ZFHX3: variants seen among roughly 807,000 people sequenced by gnomAD.
ZFHX3 encodes zinc finger homeobox 3.
A neutral mutation model predicts 279.1 loss-of-function variants in ZFHX3; 42 were observed. That is an observed-to-expected ratio of 0.15 (90% CI 0.12 to 0.19). The LOEUF (loss-of-function observed/expected upper bound fraction) is 0.19. ZFHX3 is among the 10% of genes least tolerant of loss of function. ZFHX3 has a pLI of 1.00. For missense variants in ZFHX3, 4,981 were observed against 4,754.0 expected (o/e 1.05, Z -1.40); for synonymous variants, 2,293 against 1,957.8 (o/e 1.17, Z -4.52).
chr16:73,044,309 A>G (rs1312120363), intron 1 of ZFHX3, among the ~76,000 whole-genome samples: 1 of 152,168 alleles, frequency 6.6e-6, no homozygotes, highest in African/African-American at 2.4e-5. Flanking sequence ...TAACGCCCCC[A>G]TCCTGGTTAA....
At chr16:73,206,489 T>C (rs557590116) in intron 5 of ZFHX3, among the ~76,000 whole-genome samples, 13 of 152,296 alleles carry the variant, frequency 8.5e-5, no homozygotes, top group African/African-American at 3.1e-4. Flanking sequence ...AAGCTTAGAG[T>C]TCGCTACTGC....
At chr16:73,135,796 A>G (rs959046185) in intron 6 of ZFHX3, among the ~76,000 whole-genome samples, 1 of 152,054 alleles carries the variant, frequency 6.6e-6, no homozygotes, top group African/African-American at 2.4e-5. Context: ...TAGGCTGGGC[A>G]TGGTTTCCAC....
At chr16:73,096,161 A>ACTGCCTGC (rs538399561) in intron 7 of ZFHX3, among the ~76,000 whole-genome samples, 3 of 151,960 alleles carry the variant, frequency 2.0e-5, no homozygotes, top group Admixed American at 6.6e-5. Flanking sequence ...GAAACTCTTT[A>ACTGCCTGC]CTGCCTGCCT....
chr16:73,516,349 A>C (rs1480966691), intron 2 of ZFHX3, among the ~76,000 whole-genome samples: 1 of 152,192 alleles, frequency 6.6e-6, no homozygotes, highest in African/African-American at 2.4e-5. Flanking sequence ...GTGTGCATGC[A>C]TACACGTGTA....
chr16:73,034,126 G>A (rs866007323), intron 1 of ZFHX3, among the ~76,000 whole-genome samples: 50 of 151,986 alleles, frequency 3.3e-4, no homozygotes, highest in South Asian at 6.2e-4. Flanking sequence ...TCTAGGATGG[G>A]ACTGCTTGCC....
chr16:73,168,319 T>G (rs1171494612), intron 5 of ZFHX3, among the ~76,000 whole-genome samples: 1 of 150,840 alleles, frequency 6.6e-6, no homozygotes, highest in Non-Finnish European at 1.5e-5. Flanking sequence ...TGGAGTGCAG[T>G]GGTGTGATCA....
chr16:73,744,712 C>G (rs908341286), intron 1 of ZFHX3, among the ~76,000 whole-genome samples: 3 of 152,156 alleles, frequency 2.0e-5, no homozygotes, highest in African/African-American at 4.8e-5. Flanking sequence ...ATTCACAAAG[C>G]AAAACCCATT....
chr16:73,282,810 G>C (rs143586533), intron 4 of ZFHX3, among the ~76,000 whole-genome samples: 1 of 151,986 alleles, frequency 6.6e-6, no homozygotes, highest in African/African-American at 2.4e-5. Flanking sequence ...AACATGATGC[G>C]GTTGCATAAA....
At chr16:73,453,391 C>A (rs939705484) in intron 3 of ZFHX3, among the ~76,000 whole-genome samples, 4 of 152,172 alleles carry the variant, frequency 2.6e-5, no homozygotes, top group Non-Finnish European at 5.9e-5. Flanking sequence ...CCAGCAGGTT[C>A]CTCTTCCCTC....
rs74706123 is a variant in ZFHX3, at chr16:72,907,198, G to A, written c.3217-17236C>T. 3.3e-3 allele frequency among the ~76,000 whole-genome samples: 498 copies of A among 152,200 alleles called. 2 individuals carry two copies. Among genetic ancestry groups the A allele is most frequent in the African/African-American group, 0.011 (473 of 41,516 alleles). On this transcript the variant is annotated intron_variant, in intron 3 of 9. Coordinates refer to ENST00000268489, the MANE Select transcript of ZFHX3 (RefSeq NM_006885.4). ...TTAAGTCTTAAAACACAAATCTTTC[G>A]ATGACCTTTCCAGATGACTCTATAA...
At chr16:73,598,100 G>A (rs1347231100) in intron 2 of ZFHX3, among the ~76,000 whole-genome samples, 3 of 152,276 alleles carry the variant, frequency 2.0e-5, no homozygotes, top group Middle Eastern at 3.4e-3. Context: ...AGGCTGCTAA[G>A]GAACTCCAGG....
At chr16:73,023,333 T>G (rs777589354) in intron 1 of ZFHX3, among the ~76,000 whole-genome samples, 1 of 152,214 alleles carries the variant, frequency 6.6e-6, no homozygotes, top group Non-Finnish European at 1.5e-5. Flanking sequence ...GCACAGAGAC[T>G]GCCTGGAGGT....
intron 3 of ZFHX3, among the ~76,000 whole-genome samples, chr16:73,377,684 T>TTG (rs1221642482): frequency 9.2e-6 from 1 of 109,142 alleles, no homozygotes; most frequent in Non-Finnish European, 2.1e-5. Context: ...AGTGACTCCT[T>TTG]TGTGTTTTTT....
At chr16:73,243,946 G>A (rs924372575) in intron 5 of ZFHX3, among the ~76,000 whole-genome samples, 4 of 152,246 alleles carry the variant, frequency 2.6e-5, no homozygotes, top group African/African-American at 9.6e-5. Flanking sequence ...GAGAATGCCG[G>A]TAGAGAACGC....
intron 2 of ZFHX3, among the ~76,000 whole-genome samples, chr16:73,596,236 G>C (rs996719994): frequency 6.6e-6 from 1 of 151,962 alleles, no homozygotes; most frequent in Non-Finnish European, 1.5e-5. Flanking sequence ...TTAGCCACAT[G>C]TTAGTCTCTA....
chr16:73,772,491 A>C (rs1355942554), intron 1 of ZFHX3, among the ~76,000 whole-genome samples: 2 of 152,214 alleles, frequency 1.3e-5, no homozygotes, highest in Non-Finnish European at 2.9e-5. Context: ...ACATGTGAGA[A>C]TTCAAGATGA....
In ZFHX3 at chr16:73,593,433, G is replaced by T. The variant is rs533390047; in HGVS notation, c.-1547+86747C>A. 1.9e-4 allele frequency among the ~76,000 whole-genome samples: 29 copies of T among 152,138 alleles called. No individual in the cohort carries two copies. In the East Asian group the frequency reaches 5.4e-3, roughly 28 times the overall value. ...ATGATAACATGTCATAACCAAACAG[G>T]TTTTATCCCAGAAATGAAGAGTTTA... On this transcript the variant is annotated intron_variant, in intron 2 of 17. Coordinates refer to the ZFHX3 transcript ENST00000641206.
chr16:73,215,176 T>C (rs780237919), intron 5 of ZFHX3, among the ~76,000 whole-genome samples: 1 of 152,238 alleles, frequency 6.6e-6, no homozygotes, highest in Non-Finnish European at 1.5e-5. Flanking sequence ...CAGCATCTAC[T>C]GGGTATGACA....
chr16:73,570,293 C>T (rs2051720181), intron 2 of ZFHX3, among the ~76,000 whole-genome samples: 1 of 152,212 alleles, frequency 6.6e-6, no homozygotes, highest in African/African-American at 2.4e-5. Flanking sequence ...CTTGTTTCTG[C>T]TTTGCAACTT....
Sources: allele counts gnomAD v4.1 joint callset (sites outside exome capture counted in the v4.1 genomes callset), GRCh38; gene constraint gnomAD v4.1.1; transcripts MANE v1.5; gene names NCBI Gene and HGNC (gene_info 2026-07-23, HGNC 2026-07-21).